The following ZNF677 variants were observed in gnomAD, a reference collection of about 807,000 sequenced individuals.
ZNF677 encodes zinc finger protein 677.
A neutral mutation model predicts 8.1 loss-of-function variants in ZNF677; 5 were observed. That is an observed-to-expected ratio of 0.62 (90% confidence interval 0.32 to 1.29). ZNF677 has a LOEUF of 1.29. ZNF677 is among the 50% of genes most tolerant of loss of function. ZNF677 has a pLI of 0.05. For synonymous variants in ZNF677, 221 were observed against 225.6 expected, an observed-to-expected ratio of 0.98 and a Z score of 0.18; for missense variants, 685 against 685.9, an observed-to-expected ratio of 1.00 and a Z score of 0.01.
At chr19:53,244,909 C>A (rs951261476) in intron 3 of ZNF677, among the ~76,000 whole-genome samples, 2 of 152,050 alleles carry the variant, frequency 1.3e-5, no homozygotes, top group Non-Finnish European at 2.9e-5. Context: ...ACACACAAAA[C>A]AAAAGTACTA....
At chr19:53,253,763 A>G (rs981123778) in intron 1 of ZNF677, among the ~76,000 whole-genome samples, 9 of 152,160 alleles carry the variant, frequency 5.9e-5, no homozygotes, top group African/African-American at 2.2e-4. Flanking sequence ...CATTTAAGAG[A>G]AAATACTTTG....
intron 4 of ZNF677, chr19:53,242,604 C>G (rs940298379): frequency 3.0e-5 from 12 of 393,484 alleles, no homozygotes; most frequent in Middle Eastern, 6.4e-4. Context: ...GGGGCTTGAA[C>G]AAGTAGAGAG....
chr19:53,254,221 A>C (rs2091279530), intron 1 of ZNF677, among the ~76,000 whole-genome samples: 1 of 149,888 alleles, frequency 6.7e-6, no homozygotes, highest in South Asian at 2.2e-4. Context: ...CTCCACCATT[A>C]TGTGATTTTT....
At chr19:53,247,413 CTCA>C (rs2091163452) in intron 3 of ZNF677, among the ~76,000 whole-genome samples, 1 of 151,800 alleles carries the variant, frequency 6.6e-6, no homozygotes. Flanking sequence ...ACAAAAAAAT[CTCA>C]TGTTTTAAGA....
chr19:53,254,529 G>A (rs1357290273), intron 1 of ZNF677: 1 of 152,310 alleles, frequency 6.6e-6, no homozygotes, highest in African/African-American at 2.4e-5. Context: ...ACCAGGGGGA[G>A]GGAAGAGGGA....
intron 2 of ZNF677, among the ~76,000 whole-genome samples, chr19:53,252,099 T>A (rs774223115): frequency 2.0e-5 from 3 of 152,222 alleles, no homozygotes; most frequent in Non-Finnish European, 2.9e-5. Flanking sequence ...TTACTTCTGA[T>A]GTAGAGATAG....
intron 3 of ZNF677, among the ~76,000 whole-genome samples, chr19:53,244,947 A>G (rs1210767512): frequency 1.3e-5 from 2 of 152,224 alleles, no homozygotes; most frequent in African/African-American, 4.8e-5. Flanking sequence ...ATAAACTCAC[A>G]CATATACAAT....
At position 53,237,243 on chromosome 19, in the gene ZNF677, G is replaced by A; in HGVS notation, c.1484C>T (p.Ala495Val). The change falls in exon 5 of 5, where the codon GCC becomes GTC. Residue 495 changes from alanine to valine, a missense_variant. By Grantham distance (64) the Ala-to-Val change is moderately conservative. Transcript: ENST00000598513. ...KPYKCTECGK[A>V]FTERSNLTQH... ...AGTAAGATTTGAACGTTCAGTAAAG[G>A]CTTTGCCACATTCAGTACATTTGTA... The A allele has an allele frequency of 1.2e-6, 2 of 1,613,806 alleles. No homozygotes were observed. The highest frequency in any genetic ancestry group is 1.7e-6 in the Non-Finnish European group (2 of 1,179,932).
chr19:53,243,483 T>C, intron 4 of ZNF677: 1 of 524,208 alleles, frequency 1.9e-6, no homozygotes, highest in Non-Finnish European at 3.3e-6. Flanking sequence ...AAAACCATGA[T>C]ACCAGACACT....
intron 4 of ZNF677, chr19:53,242,689 A>G: frequency 3.0e-6 from 1 of 334,450 alleles, no homozygotes; most frequent in Non-Finnish European, 5.4e-6. Context: ...TTTCCTGAAA[A>G]GTTCTTGCAG....
In ZNF677 at chr19:53,251,753, T is replaced by C. The variant is rs1455601752; in HGVS notation, c.-55-148A>G. 5.0e-6 allele frequency: 3 copies of C among 596,876 alleles called. No individual in the cohort carries two copies. The African/African-American group carries it at 5.7e-5, about 11-fold the overall frequency. The allele number at this position is 596,876 out of a possible 1,614,324, so 37.0% of individuals were successfully genotyped here. A position where few individuals can be genotyped will look rare whatever the true frequency, so the allele number is the denominator to read the frequency against. On this transcript the variant is annotated intron_variant, in intron 2 of 4. Coordinates refer to ENST00000598513, the MANE Select transcript of ZNF677 (RefSeq NM_182609.4). ...AGTGAAAATAAACTCATGAAAAAAATTAACTCCTAAACAGAGACTAAGGAG... is the reference window on the plus strand; with the variant it reads ...AGTGAAAATAAACTCATGAAAAAAACTAACTCCTAAACAGAGACTAAGGAG...
At chr19:53,246,019 A>G (rs1232161130) in intron 3 of ZNF677, among the ~76,000 whole-genome samples, 2 of 148,050 alleles carry the variant, frequency 1.4e-5, no homozygotes, top group Non-Finnish European at 3.0e-5. Flanking sequence ...CTCAGGAAAA[A>G]ATAAAAATAA....
At chr19:53,252,693 T>C (rs1178322919) in intron 2 of ZNF677, among the ~76,000 whole-genome samples, 2 of 152,220 alleles carry the variant, frequency 1.3e-5, no homozygotes, top group African/African-American at 4.8e-5. Flanking sequence ...CGGGCTCTGT[T>C]GGAACAAAAT....
intron 3 of ZNF677, among the ~76,000 whole-genome samples, chr19:53,250,115 A>G (rs1599924689): frequency 1.3e-5 from 2 of 151,944 alleles, no homozygotes; most frequent in Admixed American, 1.3e-4. Flanking sequence ...CAGGTGATCC[A>G]CCCGTCTCAG....
intron 4 of ZNF677, chr19:53,241,908 C>T: frequency 2.5e-6 from 1 of 398,392 alleles, no homozygotes; most frequent in East Asian, 3.6e-5. Context: ...AAATTTCAGA[C>T]TCTAGGAATG....
chr19:53,238,687 T>C, intron 4 of ZNF677, 130 bp from the exon 5 acceptor site: 1 of 820,446 alleles, frequency 1.2e-6, no homozygotes, highest in South Asian at 2.2e-5. Context: ...TCAACTGTCT[T>C]TAAACGTTTA....
At chr19:53,249,761 T>C (rs868859908) in intron 3 of ZNF677, among the ~76,000 whole-genome samples, 2 of 129,866 alleles carry the variant, frequency 1.5e-5, no homozygotes, top group South Asian at 2.3e-4. Flanking sequence ...AGAAATGTAG[T>C]ATTTAACAAG....
Position 53,242,384 on chromosome 19 carries a change from T to C in ZNF677, c.169+1360A>G, listed in dbSNP as rs142616097. 4 of 398,560 alleles carry C rather than the reference T, an allele frequency of 1.0e-5. No homozygotes were observed. In the East Asian group the frequency reaches 1.1e-4, roughly 11 times the overall value. The allele number at this position is 398,560 out of a possible 1,614,324, so 24.7% of individuals were successfully genotyped here. A position where few individuals can be genotyped will look rare whatever the true frequency, so the allele number is the denominator to read the frequency against. ...GGGAGTAAAATAAAAGGGTCGGATT[T>C]TGTAGGATTCTAAGGAAGAGGCAGT... On this transcript the variant is annotated intron_variant, in intron 4 of 4. Transcript: ENST00000598513.
chr19:53,253,420 G>C (rs975529029), intron 1 of ZNF677, among the ~76,000 whole-genome samples: 2 of 152,196 alleles, frequency 1.3e-5, no homozygotes, highest in African/African-American at 2.4e-5. Flanking sequence ...GGCCAGGCGC[G>C]GTGGCTCACG....
Sources: gnomAD v4.1 joint callset for allele counts (sites outside exome capture counted in the v4.1 genomes callset) on GRCh38, gnomAD v4.1.1 for gene constraint, MANE v1.5 for transcripts, NCBI Gene and HGNC (gene_info 2026-07-23, HGNC 2026-07-21) for gene names.